Variants in PUM2 observed in about 807,000 individuals in gnomAD.
PUM2 encodes the protein pumilio homolog 2.
PUM2 carries 57 observed loss-of-function variants against 124.5 expected under a neutral mutation model. The ratio of observed to expected loss-of-function variants is 0.46; its 90% CI spans 0.37 to 0.57. The LOEUF (loss-of-function observed/expected upper bound fraction) is 0.57. PUM2 is among the 20% of genes least tolerant of loss of function. The pLI is 0.00. For missense variants in PUM2, 1,065 were observed against 1,290.6 expected (o/e 0.83, Z 2.68); for synonymous variants, 460 against 446.1 (o/e 1.03, Z -0.39).
intron 20 of PUM2, among the ~76,000 whole-genome samples, chr2:20,252,408 A>C (rs1490298293): frequency 6.6e-6 from 1 of 152,218 alleles, no homozygotes; most frequent in African/African-American, 2.4e-5. Context: ...CCCTGTCTTG[A>C]AAGAAAAAGA....
intron 12 of PUM2, among the ~76,000 whole-genome samples, chr2:20,282,235 G>T (rs1027639548): frequency 6.6e-6 from 1 of 152,140 alleles, no homozygotes; most frequent in Non-Finnish European, 1.5e-5. Flanking sequence ...ATTTCACTTA[G>T]TTCTTCCTCT....
Position 20,251,282 on chromosome 2 carries a change from A to T in PUM2, c.*303T>A, listed in dbSNP as rs1170220263. ...TTGTGACTTTACAAGGTAAAAATTT[A>T]CAAAATATGTGACAGCTTTTTATTT... is the stretch of plus-strand genomic sequence containing the variant. On this transcript the variant is annotated 3_prime_UTR_variant, in exon 21 of 21. Transcript: ENST00000361078. 1.9e-5 allele frequency: 4 copies of T among 208,510 alleles called. No individual in the cohort carries two copies. The highest frequency in any genetic ancestry group is 3.9e-5 in the Non-Finnish European group (4 of 103,854). 12.9% of individuals were successfully genotyped at this position (208,510 alleles called of 1,614,324 possible).
intron 9 of PUM2, among the ~76,000 whole-genome samples, chr2:20,291,282 G>A (rs895085176): frequency 6.6e-6 from 1 of 152,144 alleles, no homozygotes; most frequent in African/African-American, 2.4e-5. Flanking sequence ...CCAGCAGGGA[G>A]GACAACATCG....
At chr2:20,313,329 C>G (rs1680101172) in intron 3 of PUM2, among the ~76,000 whole-genome samples, 2 of 152,158 alleles carry the variant, frequency 1.3e-5, no homozygotes, top group South Asian at 4.1e-4. Context: ...GAGCACACAT[C>G]TTGAAAATAC....
At chr2:20,279,021 T>C (rs62123448) in intron 12 of PUM2, among the ~76,000 whole-genome samples, 5,228 of 152,162 alleles carry the variant, frequency 0.034, 92 homozygotes, top group Middle Eastern at 0.068. Flanking sequence ...AAGAACCAAA[T>C]ACTTAACAGA....
At position 20,327,307 on chromosome 2, in the gene PUM2, T is replaced by A. The variant is rs752863442; in HGVS notation, c.51+3A>T. 6.5e-7 allele frequency: 1 copy of A among 1,542,652 alleles called. No individual in the cohort carries two copies. The highest frequency in any genetic ancestry group is 1.7e-4 in the Middle Eastern group (1 of 5,932). ...TAAGTTCTTAGTATTTGCAAACATT[T>A]ACCTCTCCCATTCCCCGAGATTCTA... On this transcript the variant is annotated splice_donor_region_variant and intron_variant, in intron 2 of 20. Coordinates refer to ENST00000361078, the MANE Select transcript of PUM2 (RefSeq NM_015317.5).
rs1675021984 is a variant in PUM2, at chr2:20,294,478, C to T, written c.1050G>A (p.Trp350Ter). Residue 350 changes from tryptophan to a stop codon, truncating the protein, a stop_gained, in exon 9 of 21, where the codon TGG (tryptophan) becomes TGA (stop). Transcript: ENST00000361078. LOFTEE classifies it high-confidence loss of function. The part of the protein sequence containing the change: ...VVPPQYYGVP[W>*]GVYPANLFQQ... ...GAAATAAGTTGGCTGGATACACCCC[C>T]CATGGAACGCCGTAATACTGAGGTG... 6.2e-7 allele frequency: 1 copy of T among 1,614,110 alleles called. No individual in the cohort carries two copies. The highest frequency in any genetic ancestry group is 8.5e-7 in the Non-Finnish European group (1 of 1,180,032).
At chr2:20,351,072 G>C (rs1462779866), upstream of PUM2, among the ~76,000 whole-genome samples, 3 of 152,154 alleles carry the variant, frequency 2.0e-5, no homozygotes, top group Non-Finnish European at 4.4e-5. Context: ...TTCCCTCCTG[G>C]GCTCCGCCGC....
intron 14 of PUM2, among the ~76,000 whole-genome samples, chr2:20,262,590 C>T (rs977387049): frequency 1.3e-5 from 2 of 152,174 alleles, no homozygotes; most frequent in Non-Finnish European, 2.9e-5. Flanking sequence ...AAAATTTGTA[C>T]ACCATCTAAT....
At chr2:20,309,517 GCTTCT>G (rs1191149692) in intron 5 of PUM2, among the ~76,000 whole-genome samples, 3 of 150,526 alleles carry the variant, frequency 2.0e-5, no homozygotes, top group African/African-American at 7.3e-5. Flanking sequence ...TTAAGCACTG[GCTTCT>G]CTTTTTATTA....
chr2:20,251,560 A>G lies in PUM2; in HGVS notation c.*25T>C, dbSNP rs762593569. 2.5e-6 allele frequency: 4 copies of G among 1,597,844 alleles called. No homozygotes were observed. The highest frequency in any genetic ancestry group is 1.7e-4 in the Middle Eastern group (1 of 6,020). On this transcript the variant is annotated 3_prime_UTR_variant, in exon 21 of 21. Transcript: ENST00000361078. Reference sequence around the variant, plus strand: ...AAAATTCTTTTCACATGGTTAAATTATCTTCTTTCTCTTGCTCCTGTAATT... The same window carrying G: ...AAAATTCTTTTCACATGGTTAAATTGTCTTCTTTCTCTTGCTCCTGTAATT...
At chr2:20,330,351 A>C (rs1274027367) in intron 1 of PUM2, among the ~76,000 whole-genome samples, 3 of 152,250 alleles carry the variant, frequency 2.0e-5, no homozygotes, top group African/African-American at 7.2e-5. Flanking sequence ...TGTCTTCTGC[A>C]TGCTAATGAG....
intron 9 of PUM2, among the ~76,000 whole-genome samples, chr2:20,292,657 G>C (rs963899578): frequency 6.6e-5 from 10 of 152,290 alleles, no homozygotes; most frequent in African/African-American, 2.4e-4. Context: ...TAGGCTGGGC[G>C]CAGTGGCTCA....
chr2:20,288,687 A>G (rs552917786), intron 10 of PUM2, among the ~76,000 whole-genome samples: 4 of 152,354 alleles, frequency 2.6e-5, no homozygotes, highest in Non-Finnish European at 4.4e-5. Flanking sequence ...AAGAAGAGCT[A>G]AAGTATGAGG....
chr2:20,260,551 C>A, intron 14 of PUM2, 85 bp from the exon 15 acceptor site: 1 of 1,173,950 alleles, frequency 8.5e-7, no homozygotes, highest in Non-Finnish European at 1.2e-6. Flanking sequence ...ATATGCACTG[C>A]AAGTTATTTC....
upstream of PUM2, among the ~76,000 whole-genome samples, chr2:20,351,104 C>G (rs753578340): frequency 6.6e-6 from 1 of 152,172 alleles, no homozygotes; most frequent in Non-Finnish European, 1.5e-5. Flanking sequence ...AGAGCGCAGG[C>G]GTACTGTTGC....
At chr2:20,257,944 T>C (rs1665215186) in intron 16 of PUM2, among the ~76,000 whole-genome samples, 1 of 152,192 alleles carries the variant, frequency 6.6e-6, no homozygotes, top group Non-Finnish European at 1.5e-5. Context: ...AAATAAGCAC[T>C]GGAAAATAGT....
intron 7 of PUM2, 70 bp downstream of exon 7, chr2:20,307,907 TA>T: frequency 6.5e-7 from 1 of 1,548,174 alleles, no homozygotes. Context: ...CACCAATCAG[TA>T]AACGAAAAGT....
chr2:20,284,813 C>T (rs1672351364), intron 10 of PUM2, among the ~76,000 whole-genome samples: 1 of 152,126 alleles, frequency 6.6e-6, no homozygotes, highest in South Asian at 2.1e-4. Context: ...ATAAACAGTG[C>T]TCAGATAAAC....
Sources: allele counts gnomAD v4.1 joint callset (sites outside exome capture counted in the v4.1 genomes callset), GRCh38; gene constraint gnomAD v4.1.1; transcripts MANE v1.5; gene names NCBI Gene and HGNC (gene_info 2026-07-23, HGNC 2026-07-21).